The following DRC11 variants were observed in gnomAD, a reference collection of about 807,000 sequenced individuals.
DRC11 encodes IQ and AAA domain-containing protein 1.
the DRC11 span, among the ~76,000 whole-genome samples, chr2:236,356,102 C>T: frequency 2.3e-4 from 35 of 152,186 alleles, no homozygotes; most frequent in African/African-American, 7.5e-4. Context: ...CCCCGTTCTC[C>T]CAGGTCCTCA....
At chr2:236,380,515 G>A in the DRC11 span, 3 of 1,397,200 alleles carry the variant, frequency 2.1e-6, no homozygotes, top group East Asian at 5.0e-5. This position sits in a 1 kb window ranked among gnomAD's most constrained non-coding sequence, Gnocchi z 4.9. Flanking sequence ...GGTTCCCTGT[G>A]CTGTTCTCTG....
the DRC11 span, among the ~76,000 whole-genome samples, chr2:236,439,570 C>T: frequency 1.3e-5 from 2 of 152,162 alleles, no homozygotes; most frequent in East Asian, 3.9e-4. Flanking sequence ...CAGTGTAATT[C>T]TGTACAATCC....
chr2:236,400,467 G>A, the DRC11 span, among the ~76,000 whole-genome samples: 1 of 152,234 alleles, frequency 6.6e-6, no homozygotes, highest in Admixed American at 6.5e-5. This position sits in a 1 kb window ranked among gnomAD's most constrained non-coding sequence, Gnocchi z 7.9. Flanking sequence ...AATAGTGAGA[G>A]CTAGGCCCTG....
the DRC11 span, among the ~76,000 whole-genome samples, chr2:236,419,730 T>C: frequency 6.6e-6 from 1 of 152,234 alleles, no homozygotes; most frequent in Non-Finnish European, 1.5e-5. The surrounding 1 kb of genome is among the most constrained non-coding windows in gnomAD (Gnocchi z 4.8). Context: ...AGTTGGTTTC[T>C]TTCACCAGTG....
the DRC11 span, among the ~76,000 whole-genome samples, chr2:236,412,022 T>C: frequency 1.3e-5 from 2 of 151,854 alleles, no homozygotes. Context: ...ATTGTGCATA[T>C]GTACCCTAAA....
the DRC11 span, among the ~76,000 whole-genome samples, chr2:236,480,705 G>A: frequency 6.6e-6 from 1 of 152,172 alleles, no homozygotes; most frequent in East Asian, 1.9e-4. Context: ...CACACATGTT[G>A]CCATCTCATT....
chr2:236,493,653 G>C, the DRC11 span: 1 of 814,982 alleles, frequency 1.2e-6, no homozygotes, highest in East Asian at 2.8e-5. Flanking sequence ...ACGAGGGAGG[G>C]ATCATTCTCT....
chr2:236,445,973 G>A, the DRC11 span, among the ~76,000 whole-genome samples: 1 of 152,236 alleles, frequency 6.6e-6, no homozygotes, highest in African/African-American at 2.4e-5. The surrounding 1 kb of genome is among the most constrained non-coding windows in gnomAD (Gnocchi z 4.8). Context: ...TACTCCCAGG[G>A]TCCCCTGGCT....
chr2:236,488,955 A>G, the DRC11 span, among the ~76,000 whole-genome samples: 57 of 84,290 alleles, frequency 6.8e-4, no homozygotes, highest in East Asian at 2.1e-3. Flanking sequence ...GGCTCCAGGT[A>G]CATGCTGGGA....
the DRC11 span, among the ~76,000 whole-genome samples, chr2:236,383,832 A>G: frequency 2.0e-5 from 3 of 146,642 alleles, no homozygotes; most frequent in African/African-American, 7.6e-5. Flanking sequence ...ACCCCACAAC[A>G]GTCCCCAGAG....
chr2:236,331,506 G>C, the DRC11 span: 1 of 1,613,902 alleles, frequency 6.2e-7, no homozygotes, highest in Non-Finnish European at 8.5e-7. The surrounding 1 kb of genome is among the most constrained non-coding windows in gnomAD (Gnocchi z 4.8). Flanking sequence ...TATGTCCTTG[G>C]GTGAAGCCGT....
the DRC11 span, among the ~76,000 whole-genome samples, chr2:236,433,616 ATTAT>A: frequency 2.0e-5 from 3 of 152,126 alleles, no homozygotes; most frequent in South Asian, 4.1e-4. Flanking sequence ...TGCTTCTCAT[ATTAT>A]TTAAAGTAGT....
the DRC11 span, among the ~76,000 whole-genome samples, chr2:236,472,242 C>T: frequency 4.6e-5 from 7 of 152,172 alleles, no homozygotes; most frequent in Non-Finnish European, 8.8e-5. The surrounding 1 kb of genome is among the most constrained non-coding windows in gnomAD (Gnocchi z 4.6). Flanking sequence ...GGATGCACTG[C>T]TTGTGTTTGC....
At chr2:236,335,735 G>A in the DRC11 span, among the ~76,000 whole-genome samples, 8 of 151,996 alleles carry the variant, frequency 5.3e-5, no homozygotes, top group African/African-American at 1.9e-4. The surrounding 1 kb of genome is among the most constrained non-coding windows in gnomAD (Gnocchi z 5.6). Flanking sequence ...CATTAACACA[G>A]CTTAAAATAT....
At chr2:236,370,172 G>A in the DRC11 span, among the ~76,000 whole-genome samples, 46 of 152,296 alleles carry the variant, frequency 3.0e-4, no homozygotes, top group Admixed American at 5.2e-4. This position sits in a 1 kb window ranked among gnomAD's most constrained non-coding sequence, Gnocchi z 5.5. Flanking sequence ...AGAACACCAC[G>A]TGAAGATAAA....
chr2:236,476,342 A>G, the DRC11 span, among the ~76,000 whole-genome samples: 1 of 151,946 alleles, frequency 6.6e-6, no homozygotes, highest in Non-Finnish European at 1.5e-5. This position sits in a 1 kb window ranked among gnomAD's most constrained non-coding sequence, Gnocchi z 4.7. Flanking sequence ...AAATGGGATT[A>G]CTTTTTTGAA....
chr2:236,308,376 T>C, the DRC11 span, among the ~76,000 whole-genome samples: 1 of 152,246 alleles, frequency 6.6e-6, no homozygotes, highest in African/African-American at 2.4e-5. The surrounding 1 kb of genome is among the most constrained non-coding windows in gnomAD (Gnocchi z 6.0). Context: ...TTTTTATTCT[T>C]CACATCACCT....
At chr2:236,486,253 C>A in the DRC11 span, among the ~76,000 whole-genome samples, 2 of 152,216 alleles carry the variant, frequency 1.3e-5, no homozygotes, top group Non-Finnish European at 2.9e-5. This position sits in a 1 kb window ranked among gnomAD's most constrained non-coding sequence, Gnocchi z 5.7. Context: ...CGCAGTTGAT[C>A]CTCAGTTGAG....
the DRC11 span, chr2:236,486,935 T>C: frequency 2.0e-6 from 3 of 1,486,906 alleles, no homozygotes; most frequent in Non-Finnish European, 2.8e-6. The surrounding 1 kb of genome is among the most constrained non-coding windows in gnomAD (Gnocchi z 5.7). Context: ...GTTTAATACA[T>C]ACAAATATAA....
Sources: allele counts gnomAD v4.1 joint callset (sites outside exome capture counted in the v4.1 genomes callset), GRCh38; gene constraint gnomAD v4.1.1; non-coding constraint Gnocchi (gnomAD v3.1); transcripts MANE v1.5; gene names NCBI Gene and HGNC (gene_info 2026-07-23, HGNC 2026-07-21).